LRRTM4: variants seen among roughly 807,000 people sequenced by gnomAD.
LRRTM4 encodes leucine rich repeat transmembrane neuronal 4, also known as leucine-rich repeat transmembrane neuronal protein 4.
A neutral mutation model predicts 47.6 loss-of-function variants in LRRTM4; 25 were observed. The observed-to-expected ratio is 0.53, with a 90% CI of 0.38 to 0.73. The LOEUF (loss-of-function observed/expected upper bound fraction) is 0.73. LRRTM4 is among the 30% of genes least tolerant of loss of function. The pLI, the probability that LRRTM4 is intolerant of heterozygous loss-of-function variation, is 0.00. For missense variants in LRRTM4, 638 were observed against 713.4 expected, an observed-to-expected ratio of 0.89 and a Z score of 1.20; for synonymous variants, 311 against 269.5, an observed-to-expected ratio of 1.15 and a Z score of -1.51.
At chr2:77,074,674 C>G (rs1680274378) in intron 3 of LRRTM4, among the ~76,000 whole-genome samples, 1 of 151,928 alleles carries the variant, frequency 6.6e-6, no homozygotes, top group African/African-American at 2.4e-5. Flanking sequence ...TGATTTTGGA[C>G]AGAGAGAAGG....
At chr2:77,107,015 A>T (rs1172308415) in intron 3 of LRRTM4, among the ~76,000 whole-genome samples, 1 of 152,124 alleles carries the variant, frequency 6.6e-6, no homozygotes, top group Non-Finnish European at 1.5e-5. Context: ...CACATAATGT[A>T]CATTTTTCTC....
intron 3 of LRRTM4, among the ~76,000 whole-genome samples, chr2:77,438,891 A>T: frequency 6.6e-6 from 1 of 152,176 alleles, no homozygotes; most frequent in Admixed American, 6.5e-5. Context: ...ACAATCTCAA[A>T]ACTTTCTGTA....
chr2:76,866,446 TTTGGA>T (rs1386917160), intron 3 of LRRTM4, among the ~76,000 whole-genome samples: 1 of 152,204 alleles, frequency 6.6e-6, no homozygotes, highest in African/African-American at 2.4e-5. Context: ...GCAAGGAGCA[TTTGGA>T]TCAATACTGT....
chr2:77,397,352 G>C (rs1478708379), intron 3 of LRRTM4, among the ~76,000 whole-genome samples: 5 of 151,906 alleles, frequency 3.3e-5, no homozygotes, highest in Admixed American at 3.3e-4. Context: ...CATAAAAAGG[G>C]GAGGAGGAGG....
chr2:76,808,567 T>G (rs1670632882), intron 3 of LRRTM4, among the ~76,000 whole-genome samples: 1 of 152,148 alleles, frequency 6.6e-6, no homozygotes, highest in South Asian at 2.1e-4. Context: ...TGCAAATATA[T>G]AATTTATCCT....
chr2:76,904,555 G>T (rs1191240920), intron 3 of LRRTM4, among the ~76,000 whole-genome samples: 1 of 152,182 alleles, frequency 6.6e-6, no homozygotes, highest in Non-Finnish European at 1.5e-5. Context: ...CTCTGTCAGT[G>T]TTAATCTAAA....
intron 3 of LRRTM4, among the ~76,000 whole-genome samples, chr2:76,857,730 T>A (rs1459845147): frequency 6.6e-6 from 1 of 152,196 alleles, no homozygotes; most frequent in African/African-American, 2.4e-5. Context: ...CCTGTTTTCT[T>A]GGCTTTTATG....
At chr2:77,373,086 A>ATATATATATATATATATATAT (rs1553435858) in intron 3 of LRRTM4, among the ~76,000 whole-genome samples, 3 of 130,116 alleles carry the variant, frequency 2.3e-5, no homozygotes, top group South Asian at 5.1e-4. Flanking sequence ...AATTAAAAAA[A>ATATATATATATATATATATAT]AAATATATAT....
intron 3 of LRRTM4, among the ~76,000 whole-genome samples, chr2:77,175,386 G>A (rs1038079203): frequency 5.9e-5 from 9 of 152,024 alleles, no homozygotes; most frequent in South Asian, 4.1e-4. Context: ...CTACCCTGAC[G>A]CACCATAATC....
chr2:76,818,599 T>A (rs1025787454), intron 3 of LRRTM4, among the ~76,000 whole-genome samples: 1 of 151,924 alleles, frequency 6.6e-6, no homozygotes, highest in East Asian at 1.9e-4. Flanking sequence ...ATTCTCACTC[T>A]ATGTCTAATT....
At position 76,748,777 on chromosome 2, in the gene LRRTM4, T is replaced by C. The variant is rs1278309308; in HGVS notation, c.1691A>G (p.Glu564Gly). The part of the protein sequence containing the change: ...SPEQDESPGL[E>G]LGRDHSFIAT... ...GATGAAGCTGTGGTCTCGGCCCAGC[T>C]CCAGGCCGGGGCTTTCGTCCTGCTC... Residue 564 changes from glutamate (E) to glycine (G), a missense_variant, in exon 4 of 4, where the codon GAG becomes GGG. Transcript: ENST00000409884. 6.2e-7 allele frequency: 1 copy of C among 1,613,804 alleles called. No individual in the cohort carries two copies. Among genetic ancestry groups the C allele is most frequent in the African/African-American group, 1.3e-5 (1 of 74,900 alleles).
intron 3 of LRRTM4, among the ~76,000 whole-genome samples, chr2:77,462,766 A>G (rs1355875836): frequency 1.3e-5 from 2 of 152,130 alleles, no homozygotes; most frequent in Non-Finnish European, 2.9e-5. Context: ...AGCAATCAGC[A>G]TAAGGAAAAA....
At chr2:77,486,573 A>C (rs1306664731) in intron 3 of LRRTM4, among the ~76,000 whole-genome samples, 1 of 152,158 alleles carries the variant, frequency 6.6e-6, no homozygotes. Context: ...ATATTAACCA[A>C]ATTTTAAAAA....
At chr2:77,458,968 T>G (rs72811238) in intron 3 of LRRTM4, among the ~76,000 whole-genome samples, 23,302 of 151,914 alleles carry the variant, frequency 0.15, 1,824 homozygotes, top group Admixed American at 0.21. Context: ...TTTCTTTCTC[T>G]GCTTCTGATA....
intron 3 of LRRTM4, among the ~76,000 whole-genome samples, chr2:76,990,742 G>GCCT (rs1558782409): frequency 5.3e-5 from 8 of 151,430 alleles, no homozygotes; most frequent in African/African-American, 1.5e-4. Flanking sequence ...GCAGATCATT[G>GCCT]AGGCAGAAAA....
chr2:77,306,764 T>G (rs1029144866), intron 3 of LRRTM4, among the ~76,000 whole-genome samples: 2 of 151,882 alleles, frequency 1.3e-5, no homozygotes, highest in Admixed American at 1.3e-4. Context: ...AGTAATGAAA[T>G]AGAGGGAAAA....
intron 3 of LRRTM4, among the ~76,000 whole-genome samples, chr2:77,454,628 A>G (rs1323649694): frequency 6.6e-6 from 1 of 152,218 alleles, no homozygotes; most frequent in Non-Finnish European, 1.5e-5. Flanking sequence ...TACTGTTCAG[A>G]GTACTATGGA....
intron 3 of LRRTM4, among the ~76,000 whole-genome samples, chr2:77,003,360 A>T (rs1410455430): frequency 6.6e-6 from 1 of 151,764 alleles, no homozygotes; most frequent in Non-Finnish European, 1.5e-5. Flanking sequence ...TTGGCTCTGC[A>T]CCCCCACCGA....
rs1360467061 is a variant in LRRTM4 at position 76,998,897 on chromosome 2, A to G, written c.1552-249981T>C. ...AACTGAACTGCAGCAAAATCAATAA[A>G]TCAACGTAATTAAACCACTATCATA... On this transcript the variant is annotated intron_variant, in intron 3 of 3. Coordinates refer to ENST00000409884, the MANE Select transcript of LRRTM4 (RefSeq NM_001134745.3). Among the ~76,000 whole-genome samples, 5 of 152,040 alleles carry G rather than the reference A, an allele frequency of 3.3e-5. No individual in the cohort carries two copies. The East Asian group carries it at 9.7e-4, about 29-fold the overall frequency.
Sources: allele counts gnomAD v4.1 joint callset (sites outside exome capture counted in the v4.1 genomes callset), GRCh38; gene constraint gnomAD v4.1.1; transcripts MANE v1.5; gene names NCBI Gene and HGNC (gene_info 2026-07-23, HGNC 2026-07-21).